HAAO: variants seen among roughly 807,000 people sequenced by gnomAD.
HAAO encodes 3-hydroxyanthranilate oxygenase.
A neutral mutation model predicts 46.2 loss-of-function variants in HAAO; 49 were observed. That is an observed-to-expected ratio of 1.06 (90% confidence interval 0.84 to 1.34). The LOEUF (loss-of-function observed/expected upper bound fraction) is 1.34, where lower values mean the gene tolerates loss of function less well. Ranked by LOEUF, HAAO falls within the 40% of genes most tolerant of loss-of-function variation. The probability of loss-of-function intolerance (pLI) is 0.00; values close to 1 mark genes in which losing one functional copy is unlikely to be tolerated. For missense variants in HAAO, 408 were observed against 364.5 expected (o/e 1.12, Z -0.97); for synonymous variants, 157 against 145.2 (o/e 1.08, Z -0.58).
At chr2:42,774,207 A>G (rs181450392) in intron 4 of HAAO, among the ~76,000 whole-genome samples, 189 of 152,322 alleles carry the variant, frequency 1.2e-3, no homozygotes, top group African/African-American at 4.0e-3. Context: ...CTGTGTCACG[A>G]GCGTGCATCC....
intron 4 of HAAO, among the ~76,000 whole-genome samples, chr2:42,779,876 T>G (rs1671859539): frequency 6.6e-6 from 1 of 152,248 alleles, no homozygotes; most frequent in Non-Finnish European, 1.5e-5. Context: ...TAGTTTGGCT[T>G]ACTTGGTATA....
At position 42,776,564 on chromosome 2, in the gene HAAO, C is replaced by T. The variant is rs80165772; in HGVS notation, c.351-5982G>A. Among the ~76,000 whole-genome samples the T allele has an allele frequency of 6.2e-3, 931 of 151,228 alleles. 21 individuals are homozygous for T. Among genetic ancestry groups the T allele is most frequent in the Admixed American group, 0.038 (576 of 15,172 alleles). On this transcript the variant is annotated intron_variant, in intron 4 of 9. Transcript: ENST00000294973. ...GCATCCATCTTTAATCTCCCTCTAG[C>T]ACCATCCGACTTCTCTCTGTACCTT...
rs564071484 is a variant in HAAO at position 42,767,238 on chromosome 2, A to G, written c.*199T>C. On this transcript the variant is annotated 3_prime_UTR_variant, in exon 10 of 10. Transcript: ENST00000294973. ...CAGTGGGCTGAGTCTGCCAGAGAAG[A>G]TGGGGAGCTGCTGCCCGCCCAGGGG... is the stretch of plus-strand genomic sequence containing the variant. 1.3e-4 allele frequency: 81 copies of G among 614,932 alleles called. No homozygotes were observed. In the South Asian group the frequency reaches 1.5e-3, roughly 11 times the overall value. 38.1% of individuals were successfully genotyped at this position (614,932 alleles called of 1,614,324 possible). A position where few individuals can be genotyped will look rare whatever the true frequency, so the allele number is the denominator to read the frequency against.
chr2:42,785,263 G>C (rs1672303607), intron 2 of HAAO, among the ~76,000 whole-genome samples: 1 of 152,180 alleles, frequency 6.6e-6, no homozygotes, highest in South Asian at 2.1e-4. Flanking sequence ...AATGACAAAA[G>C]TAATGCTAAT....
intron 2 of HAAO, among the ~76,000 whole-genome samples, chr2:42,785,301 G>T (rs1213783335): frequency 1.3e-5 from 2 of 152,206 alleles, no homozygotes; most frequent in African/African-American, 4.8e-5. Context: ...GTAAATATTT[G>T]ATGGTAGATT....
intron 2 of HAAO, among the ~76,000 whole-genome samples, chr2:42,786,530 C>G (rs1220290081): frequency 1.3e-5 from 2 of 152,336 alleles, no homozygotes; most frequent in African/African-American, 4.8e-5. Context: ...TGTGCACATA[C>G]TCTATGCACA....
intron 1 of HAAO, among the ~76,000 whole-genome samples, chr2:42,791,354 G>T (rs1672785886): frequency 6.6e-6 from 1 of 152,160 alleles, no homozygotes; most frequent in South Asian, 2.1e-4. Context: ...GGGAGCGAAG[G>T]GAGGACTGAG....
chr2:42,767,394 G>A lies in HAAO; in HGVS notation c.*43C>T. On this transcript the variant is annotated 3_prime_UTR_variant, in exon 10 of 10. Transcript: ENST00000294973. ...TGTTTGGCAGGGATGGCACTCGAGG[G>A]TGCTTGGCACACCTGTGGCTGCTTC... 4.3e-6 allele frequency: 6 copies of A among 1,405,340 alleles called. No homozygotes were observed. The highest frequency in any genetic ancestry group is 6.0e-6 in the Non-Finnish European group (6 of 995,142). 87.1% of individuals were successfully genotyped at this position (1,405,340 alleles called of 1,614,324 possible).
At chr2:42,769,118 TTCTA>T (rs1670886236) in intron 7 of HAAO, among the ~76,000 whole-genome samples, 1 of 152,274 alleles carries the variant, frequency 6.6e-6, no homozygotes, top group Non-Finnish European at 1.5e-5. Flanking sequence ...CCTATAGCTT[TTCTA>T]TCTGATACTT....
chr2:42,774,176 C>T (rs999447078), intron 4 of HAAO, among the ~76,000 whole-genome samples: 1 of 152,222 alleles, frequency 6.6e-6, no homozygotes, highest in African/African-American at 2.4e-5. Context: ...CTTGGGCACA[C>T]GTCAACAGGA....
At chr2:42,779,849 A>G (rs1197156149) in intron 4 of HAAO, among the ~76,000 whole-genome samples, 1 of 152,240 alleles carries the variant, frequency 6.6e-6, no homozygotes, top group Non-Finnish European at 1.5e-5. Context: ...TGGGTTCCCT[A>G]AAGTCCCAAA....
intron 1 of HAAO, among the ~76,000 whole-genome samples, chr2:42,790,659 G>A (rs762729052): frequency 2.0e-5 from 3 of 151,958 alleles, no homozygotes; most frequent in Non-Finnish European, 4.4e-5. Flanking sequence ...GGCCTCCTGA[G>A]TAGCTGGGAC....
In HAAO at chr2:42,767,310, T is replaced by C; in HGVS notation, c.*127A>G. On this transcript the variant is annotated 3_prime_UTR_variant, in exon 10 of 10. Transcript: ENST00000294973. ...GGCAGGAGGGTGGGTGACAACAATG[T>C]GCAGGTCTGTGGGGGACACAGCGGC... 1.4e-6 allele frequency: 1 copy of C among 712,396 alleles called. No individual in the cohort carries two copies. The highest frequency in any genetic ancestry group is 2.7e-5 in the East Asian group (1 of 37,194). 44.1% of individuals were successfully genotyped at this position (712,396 alleles called of 1,614,324 possible).
intron 1 of HAAO, among the ~76,000 whole-genome samples, chr2:42,789,601 A>G (rs530614635): frequency 1.3e-5 from 2 of 151,298 alleles, no homozygotes; most frequent in African/African-American, 4.9e-5. Context: ...ACTCAATACA[A>G]CCCTCTCATT....
intron 4 of HAAO, among the ~76,000 whole-genome samples, chr2:42,771,990 C>G (rs765361735): frequency 4.4e-4 from 67 of 152,220 alleles, no homozygotes; most frequent in Non-Finnish European, 8.2e-4. Context: ...AGGTCAAAAG[C>G]AGCCAGATGA....
intron 4 of HAAO, among the ~76,000 whole-genome samples, chr2:42,780,585 C>G (rs779896410): frequency 9.9e-5 from 15 of 152,018 alleles, no homozygotes; most frequent in Non-Finnish European, 2.2e-4. Flanking sequence ...ACTTTCAGGA[C>G]TCTCATGGAG....
At chr2:42,773,212 C>T (rs1468583074) in intron 4 of HAAO, among the ~76,000 whole-genome samples, 1 of 152,232 alleles carries the variant, frequency 6.6e-6, no homozygotes, top group Non-Finnish European at 1.5e-5. Flanking sequence ...GCAACTTTAA[C>T]TTCTTTGTAA....
intron 1 of HAAO, among the ~76,000 whole-genome samples, chr2:42,790,678 C>T (rs1463675204): frequency 3.3e-5 from 5 of 151,988 alleles, no homozygotes; most frequent in African/African-American, 9.7e-5. Flanking sequence ...ACTACAGGCG[C>T]GTGCCACCAC....
chr2:42,767,556 C>A, intron 9 of HAAO, 39 bp downstream of exon 9: 5 of 1,589,604 alleles, frequency 3.1e-6, no homozygotes, highest in Non-Finnish European at 4.3e-6. Context: ...CAGAGTTGGA[C>A]CCTGAGGATC....
Sources: gnomAD v4.1 joint callset for allele counts (sites outside exome capture counted in the v4.1 genomes callset) on GRCh38, gnomAD v4.1.1 for gene constraint, MANE v1.5 for transcripts, NCBI Gene and HGNC (gene_info 2026-07-23, HGNC 2026-07-21) for gene names.